RTN1: variants seen among roughly 807,000 people sequenced by gnomAD.
The protein encoded by RTN1 is reticulon-1.
RTN1 carries 25 observed loss-of-function variants against 65.5 expected under a neutral mutation model. The ratio of observed to expected loss-of-function variants is 0.38; its 90% CI spans 0.28 to 0.53. The LOEUF is 0.53. Ranked by LOEUF, RTN1 falls within the 20% of genes least tolerant of loss-of-function variation. RTN1 has a pLI of 0.79. For missense variants in RTN1, 983 were observed against 1,025.4 expected (o/e 0.96, Z 0.57); for synonymous variants, 471 against 447.6 (o/e 1.05, Z -0.66).
rs115363883 is a variant in RTN1, at chr14:59,693,329, C to T, written c.1765+33590G>A. Among the ~76,000 whole-genome samples, 697 of 152,220 alleles carry T rather than the reference C, an allele frequency of 4.6e-3. 5 individuals carry two copies. Among genetic ancestry groups the T allele is most frequent in the African/African-American group, 0.016 (673 of 41,538 alleles). On this transcript the variant is annotated intron_variant, in intron 3 of 8. Coordinates refer to ENST00000267484, the MANE Select transcript of RTN1 (RefSeq NM_021136.3). ...TTCTATGTTCATTTAATCTAATAAG[C>T]CTCCTGGTTTTTACTTTTTTATTTG...
chr14:59,764,389 C>G (rs1001708799), intron 1 of RTN1, among the ~76,000 whole-genome samples: 8 of 151,754 alleles, frequency 5.3e-5, no homozygotes, highest in Admixed American at 5.2e-4. Flanking sequence ...GGCGCAACCT[C>G]GGCTCACTGC....
intron 1 of RTN1, among the ~76,000 whole-genome samples, chr14:59,750,035 A>ATG (rs1316746149): frequency 3.0e-5 from 1 of 32,918 alleles, no homozygotes; most frequent in African/African-American, 3.4e-4. Context: ...TATTATATAC[A>ATG]TATATTATAT....
intron 3 of RTN1, among the ~76,000 whole-genome samples, chr14:59,717,051 C>T (rs1884551598): frequency 6.6e-6 from 1 of 150,768 alleles, no homozygotes; most frequent in Non-Finnish European, 1.5e-5. Context: ...TGGCAATAGA[C>T]ATTAACAGTG....
intron 3 of RTN1, among the ~76,000 whole-genome samples, chr14:59,692,073 A>G (rs1177924790): frequency 6.6e-6 from 1 of 152,168 alleles, no homozygotes; most frequent in African/African-American, 2.4e-5. Flanking sequence ...TACTGGAAGT[A>G]CTAGCCAGAG....
intron 3 of RTN1, among the ~76,000 whole-genome samples, chr14:59,726,034 G>A (rs1031532754): frequency 6.6e-5 from 10 of 152,170 alleles, no homozygotes; most frequent in Admixed American, 5.9e-4. Context: ...CAGGAACAGG[G>A]TAGAAGTTCT....
intron 4 of RTN1, chr14:59,605,751 A>G: frequency 2.8e-6 from 1 of 362,012 alleles, no homozygotes; most frequent in Non-Finnish European, 4.9e-6. Flanking sequence ...CCTAAGACAC[A>G]GCATGGGTGG....
chr14:59,707,619 A>G (rs1884322353), intron 3 of RTN1, among the ~76,000 whole-genome samples: 1 of 152,074 alleles, frequency 6.6e-6, no homozygotes. Context: ...AAGAGTCAGC[A>G]TCATTTGAAA....
chr14:59,800,133 A>G (rs1886513222), intron 1 of RTN1, among the ~76,000 whole-genome samples: 1 of 152,198 alleles, frequency 6.6e-6, no homozygotes, highest in Admixed American at 6.5e-5. Context: ...TTCTGGCATT[A>G]TATGACCACA....
At chr14:59,857,541 G>A (rs574810610) in intron 1 of RTN1, among the ~76,000 whole-genome samples, 55 of 152,150 alleles carry the variant, frequency 3.6e-4, no homozygotes, top group Non-Finnish European at 6.6e-4. Flanking sequence ...CCCAGATAAT[G>A]TGTGTTAGTC....
rs144680090 is a variant in RTN1 at position 59,857,784 on chromosome 14, C to A, written c.241+12606G>T. Among the ~76,000 whole-genome samples, 575 of 152,262 alleles carry A rather than the reference C, an allele frequency of 3.8e-3. 2 individuals are homozygous for A. The highest frequency in any genetic ancestry group is 0.016 in the South Asian group (76 of 4,820). On this transcript the variant is annotated intron_variant, in intron 1 of 8. Coordinates refer to ENST00000267484, the MANE Select transcript of RTN1 (RefSeq NM_021136.3). ...TGATATTACTTCCCTTACATATAAG[C>A]CTGCAAAGATCCCAGAATCCATAAG...
At chr14:59,678,295 A>G (rs1489855265) in intron 3 of RTN1, among the ~76,000 whole-genome samples, 2 of 152,198 alleles carry the variant, frequency 1.3e-5, no homozygotes, top group East Asian at 1.9e-4. Context: ...GGCCTAGCTC[A>G]ATCATTTTAG....
At chr14:59,787,434 G>A (rs1886269441) in intron 1 of RTN1, among the ~76,000 whole-genome samples, 1 of 152,220 alleles carries the variant, frequency 6.6e-6, no homozygotes, top group South Asian at 2.1e-4. Flanking sequence ...TGAGACCAGA[G>A]ATATGAAGTG....
chr14:59,664,818 T>G (rs1286611097), intron 3 of RTN1, among the ~76,000 whole-genome samples: 2 of 152,208 alleles, frequency 1.3e-5, no homozygotes, highest in Admixed American at 6.6e-5. Context: ...TAATTTTTTT[T>G]TGTGCAAGCG....
intron 1 of RTN1, among the ~76,000 whole-genome samples, chr14:59,797,124 C>A (rs1425038030): frequency 6.6e-6 from 1 of 152,052 alleles, no homozygotes; most frequent in Non-Finnish European, 1.5e-5. Context: ...TGGATGATTC[C>A]TTTGGAAGAT....
At position 59,803,518 on chromosome 14, in the gene RTN1, T is replaced by A. The variant is rs931272442; in HGVS notation, c.242-57037A>T. 1.3e-4 allele frequency among the ~76,000 whole-genome samples: 20 copies of A among 152,206 alleles called. No homozygotes were observed. The highest frequency in any genetic ancestry group is 4.6e-4 in the African/African-American group (19 of 41,454). ...TATTCAAGTTAAATACAACCTTCTT[T>A]GCAGGGTCTTGTCTCCCATATAATT... is the stretch of plus-strand genomic sequence containing the variant. On this transcript the variant is annotated intron_variant, in intron 1 of 8. Coordinates refer to ENST00000267484, the MANE Select transcript of RTN1 (RefSeq NM_021136.3). This position sits in a 1 kb window ranked among gnomAD's most constrained non-coding sequence, Gnocchi z 5.6.
Position 59,861,172 on chromosome 14 carries a change from C to T in RTN1, c.241+9218G>A, listed in dbSNP as rs564119825. On this transcript the variant is annotated intron_variant, in intron 1 of 8. Transcript: ENST00000267484. ...ACCCAAATTTCATCTTGAATTCCCA[C>T]GTGTTATGTGAGGAACCCAGCGGGA... Among the ~76,000 whole-genome samples the T allele has an allele frequency of 5.2e-4, 79 of 152,242 alleles. 1 individual carries two copies. In the South Asian group the frequency reaches 0.013, roughly 26 times the overall value.
chr14:59,711,386 A>C (rs893509014), intron 3 of RTN1, among the ~76,000 whole-genome samples: 5 of 152,232 alleles, frequency 3.3e-5, no homozygotes, highest in African/African-American at 1.2e-4. Context: ...TCCAGGAATG[A>C]ACAACTGAGA....
At chr14:59,701,368 A>G (rs1442557192) in intron 3 of RTN1, among the ~76,000 whole-genome samples, 2 of 152,208 alleles carry the variant, frequency 1.3e-5, no homozygotes, top group African/African-American at 4.8e-5. Context: ...AAACCTGTAC[A>G]TGAATGGTCA....
intron 3 of RTN1, among the ~76,000 whole-genome samples, chr14:59,624,453 G>A (rs1284356529): frequency 1.3e-5 from 2 of 151,114 alleles, no homozygotes; most frequent in African/African-American, 4.9e-5. Flanking sequence ...TTGAATGGCT[G>A]TATTTTCTTT....
Sources: allele counts gnomAD v4.1 joint callset (sites outside exome capture counted in the v4.1 genomes callset), GRCh38; gene constraint gnomAD v4.1.1; non-coding constraint Gnocchi (gnomAD v3.1); transcripts MANE v1.5; gene names NCBI Gene and HGNC (gene_info 2026-07-23, HGNC 2026-07-21).